Variants in ITGA10 observed in about 807,000 individuals in gnomAD.
The protein encoded by ITGA10 is integrin alpha-10.
ITGA10 carries 105 observed loss-of-function variants against 145.2 expected under a neutral mutation model. The observed-to-expected ratio is 0.72, with a 90% CI of 0.62 to 0.85. ITGA10 has a LOEUF of 0.85. ITGA10 is among the 40% of genes least tolerant of loss of function. The pLI, the probability that ITGA10 is intolerant of heterozygous loss-of-function variation, is 0.00. For missense variants in ITGA10, 1,317 were observed against 1,444.5 expected (o/e 0.91, Z 1.43); for synonymous variants, 506 against 557.8 (o/e 0.91, Z 1.31).
intron 1 of ITGA10, 51 bp from the exon 2 acceptor site, chr1:145,907,516 C>T (rs1467817282): frequency 1.2e-6 from 2 of 1,610,184 alleles, no homozygotes; most frequent in Non-Finnish European, 1.7e-6. Flanking sequence ...TGGCTAGAGG[C>T]ACAGCCCGAG....
In ITGA10 at chr1:145,896,330, C is replaced by T. The variant is rs1429128225; in HGVS notation, c.2857G>A (p.Glu953Lys). 2 of 1,613,874 alleles carry T rather than the reference C, an allele frequency of 1.2e-6. No individual in the cohort carries two copies. The highest frequency in any genetic ancestry group is 1.7e-6 in the Non-Finnish European group (2 of 1,179,904). Residue 953 changes from glutamate (E) to lysine (K), a missense_variant, in exon 24 of 30, where the codon GAG becomes AAG. Coordinates refer to ENST00000369304, the MANE Select transcript of ITGA10 (RefSeq NM_003637.5). ...GGGAGGGTCCCATATGGGTGAACCTCATAGCGGTGCAGGGTAGACTCACTG... is the reference window on the plus strand; with the variant it reads ...GGGAGGGTCCCATATGGGTGAACCTTATAGCGGTGCAGGGTAGACTCACTG... ...FSSESTLHRYEVHPYGTLPVG... is the reference protein window; with the variant it reads ...FSSESTLHRYKVHPYGTLPVG...
intron 3 of ITGA10, 52 bp from the exon 4 acceptor site, chr1:145,906,876 G>T: frequency 7.4e-7 from 1 of 1,350,792 alleles, no homozygotes; most frequent in Non-Finnish European, 1.1e-6. Context: ...TAGATGGGGT[G>T]CTTGAATTCA....
chr1:145,907,491 G>T, intron 1 of ITGA10, 26 bp from the exon 2 acceptor site: 1 of 1,613,604 alleles, frequency 6.2e-7, no homozygotes, highest in Non-Finnish European at 8.5e-7. Context: ...CATAATGTTA[G>T]TATGAGGTAG....
chr1:145,893,740 A>G, intron 27 of ITGA10, 105 bp from the exon 28 acceptor site: 2 of 787,862 alleles, frequency 2.5e-6, no homozygotes, highest in Non-Finnish European at 4.2e-6. Flanking sequence ...CATAATGTTG[A>G]GGGCTCTCAA....
In ITGA10 at chr1:145,896,275, G is replaced by A. The variant is rs781817703; in HGVS notation, c.2912C>T (p.Thr971Ile). 5.0e-6 allele frequency: 8 copies of A among 1,612,872 alleles called. No homozygotes were observed. The highest frequency in any genetic ancestry group is 1.3e-5 in the African/African-American group (1 of 74,998). The change falls in exon 24 of 30, where the codon ACT (threonine) becomes ATT (isoleucine). Residue 971 changes from threonine (T) to isoleucine (I), a missense_variant. Coordinates refer to ENST00000369304, the MANE Select transcript of ITGA10 (RefSeq NM_003637.5). ...ACCCCTCCAGCTTCTCACCCTGAGA[G>A]TGGTTTTGAATTCTGGGCCAGGACC... ...PVGPGPEFKTTLRVQNLGCYV... is the reference protein window; with the variant it reads ...PVGPGPEFKTILRVQNLGCYV...
chr1:145,893,251 G>T lies in ITGA10; in HGVS notation c.3348C>A (p.Thr1116=). Residue 1116 remains threonine (T), a synonymous_variant, in exon 29 of 30, where the codon ACC becomes ACA. Transcript: ENST00000369304. ...TCCACAGGGAGATGAGGATAGGCCG[G>T]GTCTGAACCACCTCCAAGAGGCTCT... ...WSESLLEVVQ[T]RPILISLWIL... is the part of the protein sequence containing the mutation. 2 of 1,613,930 alleles carry T rather than the reference G, an allele frequency of 1.2e-6. No homozygotes were observed. Among genetic ancestry groups the T allele is most frequent in the Non-Finnish European group, 1.7e-6 (2 of 1,179,864 alleles).
At chr1:145,906,301 G>A in intron 5 of ITGA10, 93 bp downstream of exon 5, 3 of 894,512 alleles carry the variant, frequency 3.4e-6, no homozygotes, top group Non-Finnish European at 5.5e-6. Context: ...AGCCATGCAG[G>A]CCCTTTGCCA....
chr1:145,894,666 C>T (rs1655136851), intron 27 of ITGA10, among the ~76,000 whole-genome samples: 1 of 152,188 alleles, frequency 6.6e-6, no homozygotes, highest in African/African-American at 2.4e-5. Flanking sequence ...CTCCTCACTA[C>T]CTGTCATATT....
At chr1:145,895,468 A>G in intron 26 of ITGA10, 75 bp from the exon 27 acceptor site, 2 of 1,411,206 alleles carry the variant, frequency 1.4e-6, no homozygotes, top group East Asian at 2.3e-5. Flanking sequence ...TCTAGTTCAC[A>G]CAGTCTTGTC....
In ITGA10 at chr1:145,901,812, C is replaced by T. The variant is rs1656361387; in HGVS notation, c.1294+65G>A. ...GAGTTAAGAGGGAGTATTTCATACC[C>T]GCCCCCACTAGGGATGTATTTCCTC... On this transcript the variant is annotated intron_variant, in intron 11 of 29. Coordinates refer to ENST00000369304, the MANE Select transcript of ITGA10 (RefSeq NM_003637.5). The surrounding 1 kb of genome is among the most constrained non-coding windows in gnomAD (Gnocchi z 4.3). The T allele has an allele frequency of 8.1e-6, 13 of 1,600,876 alleles. No individual in the cohort carries two copies. Among genetic ancestry groups the T allele is most frequent in the East Asian group, 2.2e-5 (1 of 44,782 alleles).
In ITGA10 at chr1:145,892,743, T is replaced by G. The variant is rs1027587136; in HGVS notation, c.*55A>C. 16 of 1,368,292 alleles carry G rather than the reference T, an allele frequency of 1.2e-5. No individual in the cohort carries two copies. The highest frequency in any genetic ancestry group is 1.0e-6 in the Non-Finnish European group (1 of 957,534). 84.8% of individuals were successfully genotyped at this position (1,368,292 alleles called of 1,614,324 possible). A position where few individuals can be genotyped will look rare whatever the true frequency, so the allele number is the denominator to read the frequency against. On this transcript the variant is annotated 3_prime_UTR_variant, in exon 30 of 30. Coordinates refer to ENST00000369304, the MANE Select transcript of ITGA10 (RefSeq NM_003637.5). ...CTGAGCCCCCAAACCTCTGCTTTTA[T>G]GCAAGTCTCTTGAAGAAGCTGCCAG...
intron 26 of ITGA10, 59 bp downstream of exon 26, chr1:145,895,572 T>TC: frequency 6.4e-7 from 1 of 1,550,438 alleles, no homozygotes; most frequent in Non-Finnish European, 8.9e-7. Flanking sequence ...TACCCTCTTG[T>TC]CCCAAGTCAC....
intron 5 of ITGA10, 184 bp downstream of exon 5, chr1:145,906,210 T>A (rs2101829320): frequency 1.8e-6 from 1 of 542,942 alleles, no homozygotes; most frequent in African/African-American, 1.9e-5. Context: ...ATTACAGGTG[T>A]GGGCCACCAC....
In ITGA10 at chr1:145,893,473, C is replaced by T. The variant is rs115683175; in HGVS notation, c.3324+67G>A. The stretch of plus-strand genomic sequence containing the variant: ...GATGCCTTCGTTCTGAAAAAGCCCA[C>T]GGGTGGCCCTACCACATACCCATCA... On this transcript the variant is annotated intron_variant, in intron 28 of 29. Coordinates refer to ENST00000369304, the MANE Select transcript of ITGA10 (RefSeq NM_003637.5). 374 of 1,293,408 alleles carry T rather than the reference C, an allele frequency of 2.9e-4. 1 individual carries two copies. In the African/African-American group the frequency reaches 4.7e-3, roughly 16 times the overall value. 80.1% of individuals were successfully genotyped at this position (1,293,408 alleles called of 1,614,324 possible).
At position 145,907,060 on chromosome 1, in the gene ITGA10, T is replaced by A. The variant is rs1553751424; in HGVS notation, c.255A>T (p.Pro85=). The change falls in exon 3 of 30, where the codon CCA becomes CCT. Residue 85 remains proline (P), a synonymous_variant. Transcript: ENST00000369304. ...RCPVGGAHNA[P]CAKGHLGDYQ... ...TCTCACCTAAGTGGCCCTTGGCACA[T>A]GGGGCATTGTGGGCCCCCCCTACAG... is the stretch of plus-strand genomic sequence containing the variant. 2 of 1,557,370 alleles carry A rather than the reference T, an allele frequency of 1.3e-6. No individual in the cohort carries two copies. The highest frequency in any genetic ancestry group is 1.4e-5 in the African/African-American group (1 of 73,764).
At chr1:145,896,721 T>C (rs1553745208) in intron 23 of ITGA10, 48 bp downstream of exon 23, 1 of 1,432,618 alleles carries the variant, frequency 7.0e-7, no homozygotes, top group Non-Finnish European at 9.9e-7. Flanking sequence ...AGCATAAGGG[T>C]ATGAGTCTGA....
chr1:145,897,703 CA>C, intron 19 of ITGA10, 50 bp from the exon 20 acceptor site: 1 of 1,613,150 alleles, frequency 6.2e-7, no homozygotes, highest in Admixed American at 1.7e-5. Flanking sequence ...AGGGGAGTGC[CA>C]AAAGTCTCAC....
In ITGA10 at chr1:145,901,177, C is replaced by G. The variant is rs782514495; in HGVS notation, c.1545G>C (p.Gln515His). The stretch of plus-strand genomic sequence containing the variant: ...CATAAACACGTCCTGTTTCCTTGTT[C>G]TGGGGTCCCAGGAACATGGGGGCAG... ...LVAAPMFLGPQNKETGRVYVY... is the reference protein window; with the variant it reads ...LVAAPMFLGPHNKETGRVYVY... The change falls in exon 13 of 30, where the codon CAG becomes CAC. Residue 515 changes from glutamine to histidine, a missense_variant. By Grantham distance (24) the Gln-to-His change is conservative. Coordinates refer to ENST00000369304, the MANE Select transcript of ITGA10 (RefSeq NM_003637.5). This position sits in a 1 kb window ranked among gnomAD's most constrained non-coding sequence, Gnocchi z 4.3. The G allele has an allele frequency of 6.2e-7, 1 of 1,614,094 alleles. No individual in the cohort carries two copies. Among genetic ancestry groups the G allele is most frequent in the Non-Finnish European group, 8.5e-7 (1 of 1,180,004 alleles).
At chr1:145,904,413 A>AG (rs1553750394) in intron 6 of ITGA10, among the ~76,000 whole-genome samples, 1 of 152,060 alleles carries the variant, frequency 6.6e-6, no homozygotes. Context: ...TCTTTCACCC[A>AG]GGCTGGAGTG....
Sources: allele counts gnomAD v4.1 joint callset (sites outside exome capture counted in the v4.1 genomes callset), GRCh38; gene constraint gnomAD v4.1.1; non-coding constraint Gnocchi (gnomAD v3.1); transcripts MANE v1.5; gene names NCBI Gene and HGNC (gene_info 2026-07-23, HGNC 2026-07-21).